The following SLC9B2 variants were observed in gnomAD, a reference collection of about 807,000 sequenced individuals.
SLC9B2 encodes solute carrier family 9 member B2.
In SLC9B2, 39 loss-of-function variants were observed where a neutral mutation model predicts 52.2. That is an observed-to-expected ratio of 0.75 (90% CI 0.58 to 0.98). SLC9B2 has a LOEUF of 0.98. Among genes scored for constraint, SLC9B2 ranks in the 50% least tolerant of loss-of-function variants. SLC9B2 has a pLI of 0.00. For missense variants in SLC9B2, 626 were observed against 637.5 expected (o/e 0.98, Z 0.19); for synonymous variants, 214 against 227.0 (o/e 0.94, Z 0.51).
Position 103,026,239 on chromosome 4 carries a change from T to C in SLC9B2, c.*131A>G. On this transcript the variant is annotated 3_prime_UTR_variant, in exon 12 of 12. Transcript: ENST00000394785. Reference sequence around the variant, plus strand: ...ACATGGAAAGAGCAAGGGCTAAAAATGCTGTTTAAAGAAACAGCTACACTT... The same window carrying C: ...ACATGGAAAGAGCAAGGGCTAAAAACGCTGTTTAAAGAAACAGCTACACTT... 2.5e-6 allele frequency: 2 copies of C among 796,668 alleles called. No individual in the cohort carries two copies. The highest frequency in any genetic ancestry group is 3.9e-6 in the Non-Finnish European group (2 of 508,658). The allele number at this position is 796,668 out of a possible 1,614,324, so 49.3% of individuals were successfully genotyped here.
At chr4:103,074,513 A>G (rs1746942509) in intron 1 of SLC9B2, among the ~76,000 whole-genome samples, 1 of 152,212 alleles carries the variant, frequency 6.6e-6, no homozygotes, top group African/African-American at 2.4e-5. Flanking sequence ...ATCATCATAG[A>G]CAATGAATGA....
intron 11 of SLC9B2, among the ~76,000 whole-genome samples, chr4:103,028,099 G>C (rs1742385131): frequency 6.6e-6 from 1 of 152,088 alleles, no homozygotes; most frequent in Non-Finnish European, 1.5e-5. Context: ...TCTAACAAAT[G>C]CATGGTCAAC....
At position 103,048,879 on chromosome 4, in the gene SLC9B2, GAA is replaced by G; in HGVS notation, c.713+12_713+13del. On this transcript the variant is annotated intron_variant, in intron 6 of 11. Coordinates refer to ENST00000394785, the MANE Select transcript of SLC9B2 (RefSeq NM_178833.7). ...TCCCTACATATTTTCATATGACAAA[GAA>G]ACAATCATTACCCCAGTATAAATCC... The G allele has an allele frequency of 6.2e-7, 1 of 1,611,952 alleles. No homozygotes were observed. The highest frequency in any genetic ancestry group is 8.5e-7 in the Non-Finnish European group (1 of 1,179,120).
intron 7 of SLC9B2, among the ~76,000 whole-genome samples, chr4:103,046,774 G>T (rs1361668908): frequency 7.7e-6 from 1 of 130,382 alleles, no homozygotes; most frequent in African/African-American, 3.1e-5. Flanking sequence ...AACGTTCCTG[G>T]ATCACTTCAA....
intron 9 of SLC9B2, among the ~76,000 whole-genome samples, chr4:103,037,748 T>G (rs533748487): frequency 2.8e-4 from 43 of 152,240 alleles, no homozygotes; most frequent in Non-Finnish European, 5.7e-4. Context: ...CTAAGATCAT[T>G]TATTATGTAA....
chr4:103,044,617 A>G (rs1743941200), intron 8 of SLC9B2, among the ~76,000 whole-genome samples: 1 of 152,190 alleles, frequency 6.6e-6, no homozygotes, highest in African/African-American at 2.4e-5. Flanking sequence ...CACTTAAAAA[A>G]CTTGCATATC....
intron 1 of SLC9B2, among the ~76,000 whole-genome samples, chr4:103,075,032 T>C (rs1746989475): frequency 6.6e-6 from 1 of 152,248 alleles, no homozygotes; most frequent in African/African-American, 2.4e-5. Flanking sequence ...TATTCAGATC[T>C]TGTAATCTAG....
At chr4:103,043,186 G>C in intron 9 of SLC9B2, 110 bp downstream of exon 9, 14 of 1,204,846 alleles carry the variant, frequency 1.2e-5, no homozygotes, top group Non-Finnish European at 1.6e-5. Context: ...CATTAAGATA[G>C]CTTTTATAAT....
rs542732602 is a variant in SLC9B2 at position 103,026,349 on chromosome 4, C to T, written c.*21G>A. The T allele has an allele frequency of 6.3e-7, 1 of 1,576,242 alleles. No homozygotes were observed. The highest frequency in any genetic ancestry group is 2.3e-5 in the East Asian group (1 of 44,436). On this transcript the variant is annotated 3_prime_UTR_variant, in exon 12 of 12. Transcript: ENST00000394785. ...GTAGCAGCTTTCTAAACATTATGTT[C>T]AGCACTCTCTCTTTTCACCTCTAAA... is the stretch of plus-strand genomic sequence containing the variant.
chr4:103,033,653 C>A (rs1409545220), intron 9 of SLC9B2, among the ~76,000 whole-genome samples: 1 of 152,056 alleles, frequency 6.6e-6, no homozygotes, highest in Non-Finnish European at 1.5e-5. Context: ...ATCATTATTT[C>A]TATACACAAA....
intron 1 of SLC9B2, among the ~76,000 whole-genome samples, chr4:103,074,956 A>G (rs1560565031): frequency 3.3e-5 from 5 of 152,152 alleles, no homozygotes. Flanking sequence ...AAGAGCTATT[A>G]AGCTCTTGTT....
chr4:103,067,724 T>G, intron 1 of SLC9B2, 132 bp from the exon 2 acceptor site: 1 of 579,372 alleles, frequency 1.7e-6, no homozygotes, highest in South Asian at 2.1e-5. Context: ...TATTCTTAAT[T>G]TTCAATGGCT....
At chr4:103,038,348 A>G (rs1369088404) in intron 9 of SLC9B2, among the ~76,000 whole-genome samples, 1 of 152,252 alleles carries the variant, frequency 6.6e-6, no homozygotes, top group Non-Finnish European at 1.5e-5. Flanking sequence ...TTTTATTTCT[A>G]AACTGTAGAC....
chr4:103,076,977 A>T (rs2110686174), upstream of SLC9B2: 1 of 152,356 alleles, frequency 6.6e-6, no homozygotes, highest in African/African-American at 2.4e-5. Context: ...CGGATAAAAG[A>T]CTTGTTCTGC....
At chr4:103,043,159 G>A in intron 9 of SLC9B2, 137 bp downstream of exon 9, 2 of 889,624 alleles carry the variant, frequency 2.2e-6, no homozygotes, top group Non-Finnish European at 3.2e-6. Context: ...AACACTGGGT[G>A]TACATTTGTA....
In SLC9B2 at chr4:103,023,611, G is replaced by T. The variant is rs1207369721; in HGVS notation, c.*2759C>A. 6.6e-6 allele frequency among the ~76,000 whole-genome samples: 1 copy of T among 152,172 alleles called. No homozygotes were observed. The highest frequency in any genetic ancestry group is 1.5e-5 in the Non-Finnish European group (1 of 68,036). ...AGCAATTAATAAATTCCTACAAAGA[G>T]CTTCCAGGAATAGGCACAAATTTCA... On this transcript the variant is annotated 3_prime_UTR_variant, in exon 12 of 12. Coordinates refer to ENST00000394785, the MANE Select transcript of SLC9B2 (RefSeq NM_178833.7).
intron 5 of SLC9B2, 62 bp downstream of exon 5, chr4:103,050,178 G>C (rs1434403755): frequency 2.8e-6 from 4 of 1,408,082 alleles, no homozygotes; most frequent in South Asian, 1.6e-5. Context: ...GATTCTGTTA[G>C]ATACCTGAAG....
At chr4:103,047,336 CTTTTT>C (rs1051488776) in intron 6 of SLC9B2, 110 bp from the exon 7 acceptor site, 3 of 688,702 alleles carry the variant, frequency 4.4e-6, no homozygotes, top group Non-Finnish European at 6.1e-6. Flanking sequence ...AACAGTCTTT[CTTTTT>C]TTTTTTCTAA....
chr4:103,031,131 C>T (rs531900277), intron 10 of SLC9B2, among the ~76,000 whole-genome samples: 5 of 151,948 alleles, frequency 3.3e-5, no homozygotes, highest in East Asian at 3.9e-4. Context: ...GAAGGAGTAG[C>T]GGGAGATGGG....
Sources: gnomAD v4.1 joint callset for allele counts (sites outside exome capture counted in the v4.1 genomes callset) on GRCh38, gnomAD v4.1.1 for gene constraint, MANE v1.5 for transcripts, NCBI Gene and HGNC (gene_info 2026-07-23, HGNC 2026-07-21) for gene names.